Variants in ARHGAP15 observed in about 807,000 individuals in gnomAD.
ARHGAP15 encodes the protein rho GTPase-activating protein 15.
In ARHGAP15, 51 loss-of-function variants were observed where a neutral mutation model predicts 63.7. The ratio of observed to expected loss-of-function variants is 0.80; its 90% CI spans 0.64 to 1.01. ARHGAP15 has a LOEUF of 1.01. Ranked by LOEUF, ARHGAP15 falls within the 50% of genes least tolerant of loss-of-function variation. The pLI is 0.00. For missense variants in ARHGAP15, 560 were observed against 564.6 expected (o/e 0.99, Z 0.08); for synonymous variants, 191 against 193.8 (o/e 0.99, Z 0.12).
chr2:143,611,612 T>C (rs1257166063), intron 11 of ARHGAP15, among the ~76,000 whole-genome samples: 2 of 152,192 alleles, frequency 1.3e-5, no homozygotes, highest in African/African-American at 4.8e-5. Context: ...ACTTCTATGC[T>C]GATAATTTTC....
intron 6 of ARHGAP15, among the ~76,000 whole-genome samples, chr2:143,393,410 T>G (rs1247530701): frequency 6.6e-6 from 1 of 152,064 alleles, no homozygotes; most frequent in Non-Finnish European, 1.5e-5. Flanking sequence ...TTACAAGAAA[T>G]CTTATGTTAT....
intron 12 of ARHGAP15, among the ~76,000 whole-genome samples, chr2:143,648,430 ATTGTTT>A (rs1235576280): frequency 6.6e-6 from 1 of 151,970 alleles, no homozygotes; most frequent in Non-Finnish European, 1.5e-5. Flanking sequence ...CCTGCAGAAG[ATTGTTT>A]TTATGTCAAG....
chr2:143,265,827 T>C (rs1558853501), intron 6 of ARHGAP15, among the ~76,000 whole-genome samples: 1 of 152,142 alleles, frequency 6.6e-6, no homozygotes, highest in Non-Finnish European at 1.5e-5. Flanking sequence ...AAGATAAGCA[T>C]AGTGTATTCA....
intron 6 of ARHGAP15, among the ~76,000 whole-genome samples, chr2:143,342,746 G>A (rs919364105): frequency 1.3e-5 from 2 of 152,010 alleles, no homozygotes; most frequent in Non-Finnish European, 2.9e-5. Context: ...CAGCTTCATA[G>A]CATGAGTCCC....
At chr2:143,412,789 G>C (rs1453027263) in intron 6 of ARHGAP15, among the ~76,000 whole-genome samples, 1 of 152,014 alleles carries the variant, frequency 6.6e-6, no homozygotes, top group Non-Finnish European at 1.5e-5. Flanking sequence ...CTTTTACTGA[G>C]ACCCCAGTTA....
chr2:143,478,954 C>T (rs1691951324), intron 8 of ARHGAP15, among the ~76,000 whole-genome samples: 1 of 152,148 alleles, frequency 6.6e-6, no homozygotes, highest in South Asian at 2.1e-4. Context: ...TACATTGTAA[C>T]ACACAGTCCA....
chr2:143,738,909 A>T (rs12691690), intron 13 of ARHGAP15, among the ~76,000 whole-genome samples: 98,202 of 152,044 alleles, frequency 0.65, 34,898 homozygotes, highest in Non-Finnish European at 0.8. Flanking sequence ...AACGAAAACA[A>T]GGTCAGGTGT....
intron 6 of ARHGAP15, among the ~76,000 whole-genome samples, chr2:143,267,497 C>T (rs1319933907): frequency 2.0e-5 from 3 of 152,150 alleles, no homozygotes; most frequent in East Asian, 1.9e-4. Context: ...TATTTAAGTC[C>T]AAGGCAGATG....
intron 11 of ARHGAP15, among the ~76,000 whole-genome samples, chr2:143,587,069 T>C (rs1697136924): frequency 6.6e-6 from 1 of 152,138 alleles, no homozygotes; most frequent in Admixed American, 6.6e-5. Context: ...TAAAATGATT[T>C]TGCCTTCAGT....
intron 6 of ARHGAP15, among the ~76,000 whole-genome samples, chr2:143,262,935 G>T (rs1680802544): frequency 6.6e-6 from 1 of 152,098 alleles, no homozygotes; most frequent in African/African-American, 2.4e-5. Context: ...GGTTACTACG[G>T]GGGCTACTCT....
At chr2:143,398,387 T>G (rs1207172742) in intron 6 of ARHGAP15, among the ~76,000 whole-genome samples, 1 of 152,124 alleles carries the variant, frequency 6.6e-6, no homozygotes, top group Non-Finnish European at 1.5e-5. Flanking sequence ...TTGTTGTAAA[T>G]GCAAACCTGT....
intron 11 of ARHGAP15, among the ~76,000 whole-genome samples, chr2:143,610,053 T>C (rs1698193365): frequency 1.3e-5 from 2 of 152,084 alleles, no homozygotes; most frequent in Non-Finnish European, 2.9e-5. Flanking sequence ...GTATGGTTCT[T>C]GCTTGGGAAT....
At chr2:143,634,692 G>T (rs1254032926) in intron 12 of ARHGAP15, among the ~76,000 whole-genome samples, 1 of 152,042 alleles carries the variant, frequency 6.6e-6, no homozygotes. Context: ...ATTTTGCTTT[G>T]AGAATTTCAC....
intron 2 of ARHGAP15, among the ~76,000 whole-genome samples, chr2:143,165,994 G>GAA (rs1553442865): frequency 7.7e-6 from 1 of 129,830 alleles, no homozygotes; most frequent in African/African-American, 3.0e-5. Context: ...AAGAAAGAAA[G>GAA]AAAGAAAGAA....
At chr2:143,184,181 G>T (rs143602374) in intron 2 of ARHGAP15, among the ~76,000 whole-genome samples, 277 of 152,286 alleles carry the variant, frequency 1.8e-3, no homozygotes, top group Non-Finnish European at 2.5e-3. Flanking sequence ...TGAAGAAAAG[G>T]CAAGATTCTT....
intron 6 of ARHGAP15, among the ~76,000 whole-genome samples, chr2:143,371,394 A>C (rs1331488555): frequency 6.6e-6 from 1 of 152,156 alleles, no homozygotes; most frequent in Non-Finnish European, 1.5e-5. Context: ...CAATCTCTAG[A>C]GTTTCTACAT....
chr2:143,553,338 G>C (rs148688041), intron 10 of ARHGAP15, among the ~76,000 whole-genome samples: 2 of 152,268 alleles, frequency 1.3e-5, no homozygotes, highest in Middle Eastern at 3.4e-3. Flanking sequence ...AGCAGGAGCC[G>C]CTAATGTCAG....
At chr2:143,163,824 T>C (rs965252222) in intron 2 of ARHGAP15, among the ~76,000 whole-genome samples, 3 of 152,078 alleles carry the variant, frequency 2.0e-5, no homozygotes, top group African/African-American at 7.2e-5. Context: ...TGTTTATAGC[T>C]ATAAAATTTG....
intron 6 of ARHGAP15, among the ~76,000 whole-genome samples, chr2:143,297,562 T>A (rs917835724): frequency 6.6e-6 from 1 of 151,978 alleles, no homozygotes; most frequent in Admixed American, 6.6e-5. Flanking sequence ...TCAAAGCCAT[T>A]TTCAGGTGAC....
Sources: allele counts gnomAD v4.1 joint callset (sites outside exome capture counted in the v4.1 genomes callset), GRCh38; gene constraint gnomAD v4.1.1; transcripts MANE v1.5; gene names NCBI Gene and HGNC (gene_info 2026-07-23, HGNC 2026-07-21).